SLC15A1: variants seen among roughly 807,000 people sequenced by gnomAD.
SLC15A1 encodes the protein solute carrier family 15 member 1.
A neutral mutation model predicts 92.9 loss-of-function variants in SLC15A1; 83 were observed. The observed-to-expected ratio is 0.89, with a 90% CI of 0.75 to 1.07. The LOEUF (loss-of-function observed/expected upper bound fraction) is 1.07. SLC15A1 is among the 50% of genes least tolerant of loss of function. The pLI is 0.00. For missense variants in SLC15A1, 857 were observed against 880.1 expected (o/e 0.97, Z 0.33); for synonymous variants, 322 against 318.2 (o/e 1.01, Z -0.13).
At chr13:98,686,949 C>CTTTT (rs11309992) in intron 21 of SLC15A1, among the ~76,000 whole-genome samples, 2 of 131,306 alleles carry the variant, frequency 1.5e-5, no homozygotes, top group East Asian at 2.2e-4. Flanking sequence ...TCTTTTTCTT[C>CTTTT]TTTTTTTTTT....
At chr13:98,704,685 T>A (rs2088097728) in intron 16 of SLC15A1, among the ~76,000 whole-genome samples, 1 of 152,202 alleles carries the variant, frequency 6.6e-6, no homozygotes, top group Admixed American at 6.5e-5. Context: ...TTTATTTTGC[T>A]TTTATCAAAA....
At chr13:98,722,488 A>AC (rs2088268594) in intron 5 of SLC15A1, among the ~76,000 whole-genome samples, 1 of 151,512 alleles carries the variant, frequency 6.6e-6, no homozygotes, top group Non-Finnish European at 1.5e-5. Flanking sequence ...TGAGTTGAAA[A>AC]AAAATTCATA....
chr13:98,719,851 C>A (rs567968409), intron 7 of SLC15A1, among the ~76,000 whole-genome samples: 10 of 152,316 alleles, frequency 6.6e-5, no homozygotes, highest in Admixed American at 4.6e-4. Context: ...GTAGACAATA[C>A]ATCAATGAAT....
At chr13:98,721,041 G>C in intron 7 of SLC15A1, 1 of 438,820 alleles carries the variant, frequency 2.3e-6, no homozygotes, top group South Asian at 1.7e-5. Flanking sequence ...GACAGAGCAA[G>C]ACTCCTTCTA....
chr13:98,732,605 AACTTTGAAG>A (rs2088359989), intron 1 of SLC15A1, among the ~76,000 whole-genome samples: 1 of 152,122 alleles, frequency 6.6e-6, no homozygotes. Context: ...TGGAAACTCT[AACTTTGAAG>A]TCTTATTACC....
At chr13:98,719,197 T>C (rs1428261081) in intron 8 of SLC15A1, 40 bp downstream of exon 8, 5 of 1,465,494 alleles carry the variant, frequency 3.4e-6, no homozygotes, top group Non-Finnish European at 4.8e-6. Context: ...GGGCCTGACC[T>C]GGTCCTAGGC....
chr13:98,720,440 G>A (rs2088247954), intron 7 of SLC15A1: 1 of 152,236 alleles, frequency 6.6e-6, no homozygotes, highest in South Asian at 2.1e-4. Flanking sequence ...TACAAAACAA[G>A]TTGGAAAAAA....
chr13:98,687,759 A>G, intron 20 of SLC15A1, 35 bp from the exon 21 acceptor site: 1 of 1,603,894 alleles, frequency 6.2e-7, no homozygotes. Context: ...AGAAGTTGAG[A>G]TAGCTTCTAA....
At chr13:98,711,411 G>A (rs2088161834) in intron 11 of SLC15A1, among the ~76,000 whole-genome samples, 1 of 152,140 alleles carries the variant, frequency 6.6e-6, no homozygotes, top group African/African-American at 2.4e-5. Context: ...TTCACCCCAG[G>A]ATGGTACTTC....
At chr13:98,741,692 C>G (rs2088448122) in intron 1 of SLC15A1, among the ~76,000 whole-genome samples, 1 of 148,960 alleles carries the variant, frequency 6.7e-6, no homozygotes, top group African/African-American at 2.5e-5. Flanking sequence ...CTACCGCACT[C>G]CAGCCTGGGT....
At chr13:98,748,917 C>A (rs905151066) in intron 1 of SLC15A1, among the ~76,000 whole-genome samples, 2 of 152,160 alleles carry the variant, frequency 1.3e-5, no homozygotes, top group African/African-American at 4.8e-5. Flanking sequence ...AGAGGCCCAG[C>A]GAGCCCCACT....
Position 98,684,575 on chromosome 13 carries a change from A to G in SLC15A1, c.*149T>C, listed in dbSNP as rs2087915388. 2.0e-6 allele frequency: 1 copy of G among 496,910 alleles called. No homozygotes were observed. The highest frequency in any genetic ancestry group is 3.6e-5 in the Admixed American group (1 of 28,056). The allele number at this position is 496,910 out of a possible 1,614,324, so 30.8% of individuals were successfully genotyped here. A position where few individuals can be genotyped will look rare whatever the true frequency, so the allele number is the denominator to read the frequency against. On this transcript the variant is annotated 3_prime_UTR_variant, in exon 23 of 23. Transcript: ENST00000376503. ...AAAAAAAAAAAAAAAAAAAGAAAAG[A>G]AAAAGAAAAAAGAAAATAGCATTCA...
chr13:98,729,668 C>A lies in SLC15A1; in HGVS notation c.5-2809G>T, dbSNP rs1400570448. Among the ~76,000 whole-genome samples the A allele has an allele frequency of 5.9e-5, 9 of 152,238 alleles. No homozygotes were observed. The South Asian group carries it at 1.7e-3, about 28-fold the overall frequency. On this transcript the variant is annotated intron_variant, in intron 1 of 22. Coordinates refer to ENST00000376503, the MANE Select transcript of SLC15A1 (RefSeq NM_005073.4). The stretch of plus-strand genomic sequence containing the variant: ...TCTCCCACATCGTTTCCCTCTGGGG[C>A]CCTTCCTTGCAGATTTACTGCCTTA...
At chr13:98,691,172 T>C (rs1377890880) in intron 18 of SLC15A1, among the ~76,000 whole-genome samples, 1 of 152,128 alleles carries the variant, frequency 6.6e-6, no homozygotes, top group Non-Finnish European at 1.5e-5. Context: ...GACTCCCAAA[T>C]AGCTGGGACT....
rs142482873 is a variant in SLC15A1 at position 98,738,722 on chromosome 13, G to A, written c.5-11863C>T. Among the ~76,000 whole-genome samples the A allele has an allele frequency of 1.6e-3, 241 of 152,392 alleles. 1 individual carries two copies. The highest frequency in any genetic ancestry group is 5.4e-3 in the African/African-American group (224 of 41,596). The stretch of plus-strand genomic sequence containing the variant: ...GATGTCCAGGCAGAAGCCTGCTGCA[G>A]GGGCGGAGCACTCACAGAGAACCTC... On this transcript the variant is annotated intron_variant, in intron 1 of 22. Transcript: ENST00000376503.
intron 18 of SLC15A1, among the ~76,000 whole-genome samples, chr13:98,689,818 G>A (rs1342172099): frequency 6.6e-6 from 1 of 152,208 alleles, no homozygotes; most frequent in Non-Finnish European, 1.5e-5. Context: ...ACAGTGGTCA[G>A]CATCCTGCTG....
rs771818933 is a variant in SLC15A1, at chr13:98,684,720, A to G, written c.*4T>C. Reference sequence around the variant, plus strand: ...CAGTCCATCCTCCACTTGCCTCCTGACCTTCACATCTGTTTCTGTGAATTG... The same window carrying G: ...CAGTCCATCCTCCACTTGCCTCCTGGCCTTCACATCTGTTTCTGTGAATTG... On this transcript the variant is annotated 3_prime_UTR_variant, in exon 23 of 23. Coordinates refer to ENST00000376503, the MANE Select transcript of SLC15A1 (RefSeq NM_005073.4). The G allele has an allele frequency of 6.2e-7, 1 of 1,613,516 alleles. No individual in the cohort carries two copies. Among genetic ancestry groups the G allele is most frequent in the Middle Eastern group, 1.7e-4 (1 of 6,058 alleles).
chr13:98,713,806 G>A (rs1373900280), intron 9 of SLC15A1, among the ~76,000 whole-genome samples: 7 of 152,318 alleles, frequency 4.6e-5, no homozygotes, highest in African/African-American at 1.2e-4. Flanking sequence ...CAGCACTTCA[G>A]GAGGCTGAGG....
rs1215853428 is a variant in SLC15A1 at position 98,709,681 on chromosome 13, A to G, written c.979-21T>C. The G allele has an allele frequency of 1.9e-6, 3 of 1,614,144 alleles. No individual in the cohort carries two copies. In the South Asian group the frequency reaches 3.3e-5, roughly 18 times the overall value. On this transcript the variant is annotated intron_variant, in intron 13 of 22. Transcript: ENST00000376503. ...ACGGTCTGCAGAGGAAGTGGAGGAG[A>G]AATGTTAAGCTTGTCTCAAAGACGA... is the stretch of plus-strand genomic sequence containing the variant.
Sources: gnomAD v4.1 joint callset for allele counts (sites outside exome capture counted in the v4.1 genomes callset) on GRCh38, gnomAD v4.1.1 for gene constraint, MANE v1.5 for transcripts, NCBI Gene and HGNC (gene_info 2026-07-23, HGNC 2026-07-21) for gene names.